The following ITPK1 variants were observed in gnomAD, a reference collection of about 807,000 sequenced individuals.
ITPK1 encodes the protein inositol-tetrakisphosphate 1-kinase.
Under a neutral mutation model 45.3 loss-of-function variants are expected in ITPK1, and 21 were observed. The observed-to-expected ratio is 0.46, with a 90% CI of 0.33 to 0.67. The LOEUF is 0.67. Among genes scored for constraint, ITPK1 ranks in the 30% least tolerant of loss-of-function variants. The pLI is 0.02. For missense variants in ITPK1, 474 were observed against 573.5 expected (o/e 0.83, Z 1.77); for synonymous variants, 258 against 253.6 (o/e 1.02, Z -0.16).
At chr14:92,945,534 G>A (rs1049338638) in intron 10 of ITPK1, among the ~76,000 whole-genome samples, 2 of 152,240 alleles carry the variant, frequency 1.3e-5, no homozygotes, top group Non-Finnish European at 2.9e-5. Context: ...AGAAAGGAAC[G>A]GGGGACCCCC....
At chr14:92,975,809 T>C (rs1377995052) in intron 5 of ITPK1, among the ~76,000 whole-genome samples, 1 of 152,180 alleles carries the variant, frequency 6.6e-6, no homozygotes, top group Non-Finnish European at 1.5e-5. Context: ...TGGACTATGA[T>C]ATGGTTTGGC....
intron 4 of ITPK1, among the ~76,000 whole-genome samples, chr14:93,005,449 G>A (rs540891526): frequency 1.8e-4 from 28 of 152,250 alleles, no homozygotes; most frequent in South Asian, 1.2e-3. Context: ...TTCAGGGTCC[G>A]GGCAAGCCAA....
intron 2 of ITPK1, among the ~76,000 whole-genome samples, chr14:93,088,329 TG>T (rs1459438134): frequency 2.2e-5 from 3 of 137,638 alleles, no homozygotes; most frequent in African/African-American, 9.2e-5. Flanking sequence ...TTTTCTTTTT[TG>T]GTTTTGTTTT....
chr14:92,997,986 C>G (rs1887145917), intron 4 of ITPK1, among the ~76,000 whole-genome samples: 1 of 152,044 alleles, frequency 6.6e-6, no homozygotes, highest in African/African-American at 2.4e-5. Flanking sequence ...CTTTCCTCCT[C>G]GATCCTCACA....
rs1892884143 is a variant in ITPK1, at chr14:93,115,054, C to T, written c.95+15G>A. The T allele has an allele frequency of 6.4e-7, 1 of 1,559,142 alleles. No individual in the cohort carries two copies. The highest frequency in any genetic ancestry group is 8.7e-7 in the Non-Finnish European group (1 of 1,155,336). ...GCCGGGGGTCCCCGGGCGCCGGCGCCGCGTCCCTCCTTACCTGCACAGCTC... is the reference window on the plus strand; with the variant it reads ...GCCGGGGGTCCCCGGGCGCCGGCGCTGCGTCCCTCCTTACCTGCACAGCTC... On this transcript the variant is annotated intron_variant, in intron 2 of 10. Coordinates refer to ENST00000267615, the MANE Select transcript of ITPK1 (RefSeq NM_014216.6).
chr14:93,107,087 A>C (rs1327668184), intron 2 of ITPK1, among the ~76,000 whole-genome samples: 1 of 152,184 alleles, frequency 6.6e-6, no homozygotes, highest in South Asian at 2.1e-4. Flanking sequence ...CGTCCCAAGT[A>C]GCTGGGATAA....
chr14:92,972,429 G>A (rs1358980836), intron 5 of ITPK1, among the ~76,000 whole-genome samples: 1 of 152,156 alleles, frequency 6.6e-6, no homozygotes, highest in Non-Finnish European at 1.5e-5. Flanking sequence ...AGGGCCATCC[G>A]CAGGCCAAGG....
rs971748513 is a variant in ITPK1 at position 93,036,237 on chromosome 14, C to T, written c.121-19436G>A. 6.6e-6 allele frequency among the ~76,000 whole-genome samples: 1 copy of T among 152,156 alleles called. No homozygotes were observed. The highest frequency in any genetic ancestry group is 6.5e-5 in the Admixed American group (1 of 15,288). On this transcript the variant is annotated intron_variant, in intron 3 of 10. Transcript: ENST00000267615. The surrounding 1 kb of genome is among the most constrained non-coding windows in gnomAD (Gnocchi z 4.1). The stretch of plus-strand genomic sequence containing the variant: ...CTGTCCCCGTCCTACTGGGAAGGGC[C>T]GCTCCTATAGCAACCAGCCCTGCCC...
At chr14:92,990,486 T>C (rs1354104683) in intron 5 of ITPK1, among the ~76,000 whole-genome samples, 1 of 152,168 alleles carries the variant, frequency 6.6e-6, no homozygotes, top group Non-Finnish European at 1.5e-5. Context: ...GCCACCATGA[T>C]TTTAGGTCTG....
At chr14:92,956,121 CTTTT>C (rs5810617) in intron 8 of ITPK1, among the ~76,000 whole-genome samples, 4 of 139,168 alleles carry the variant, frequency 2.9e-5, no homozygotes, top group African/African-American at 1.1e-4. Flanking sequence ...GCTTAGTCTG[CTTTT>C]TTTTTTTTTT....
rs184524289 is a variant in ITPK1 at position 93,078,925 on chromosome 14, C to T, written c.96-2306G>A. The stretch of plus-strand genomic sequence containing the variant: ...ACAGAAAACTCAAGTCCCAAATCAC[C>T]GAGACTGTGAACCGCACAATGGGAA... On this transcript the variant is annotated intron_variant, in intron 2 of 10. Transcript: ENST00000267615. Among the ~76,000 whole-genome samples, 39 of 152,212 alleles carry T rather than the reference C, an allele frequency of 2.6e-4. 1 individual carries two copies. In the East Asian group the frequency reaches 3.7e-3, roughly 14 times the overall value.
intron 3 of ITPK1, among the ~76,000 whole-genome samples, chr14:93,029,195 G>C (rs1306463942): frequency 6.6e-6 from 1 of 152,204 alleles, no homozygotes; most frequent in African/African-American, 2.4e-5. Flanking sequence ...GACATGATGA[G>C]ATGAGGGAAC....
intron 3 of ITPK1, chr14:93,069,974 C>T (rs888754244): frequency 2.6e-5 from 4 of 152,206 alleles, no homozygotes; most frequent in East Asian, 1.9e-4. Flanking sequence ...AAACAGCCGC[C>T]GCACCAGAGA....
At chr14:92,974,498 A>C (rs1417553588) in intron 5 of ITPK1, among the ~76,000 whole-genome samples, 1 of 152,182 alleles carries the variant, frequency 6.6e-6, no homozygotes, top group African/African-American at 2.4e-5. Flanking sequence ...CTTGTAGCTA[A>C]TGCAGCAACC....
chr14:93,070,501 C>T (rs946576182), intron 3 of ITPK1: 12 of 152,316 alleles, frequency 7.9e-5, no homozygotes, highest in African/African-American at 2.4e-4. Flanking sequence ...AATCATAGTG[C>T]CGTGCTTGGC....
At chr14:93,112,785 T>G (rs1892803649) in intron 2 of ITPK1, among the ~76,000 whole-genome samples, 1 of 152,112 alleles carries the variant, frequency 6.6e-6, no homozygotes, top group South Asian at 2.1e-4. Context: ...CATTAGGGAA[T>G]TCATAGACAA....
intron 5 of ITPK1, among the ~76,000 whole-genome samples, chr14:92,984,418 T>A (rs1886392331): frequency 6.6e-6 from 1 of 152,266 alleles, no homozygotes; most frequent in South Asian, 2.1e-4. Context: ...TTCTATGGCA[T>A]GTTTTTCATA....
At chr14:92,955,393 C>T (rs115946307) in intron 8 of ITPK1, among the ~76,000 whole-genome samples, 10 of 152,150 alleles carry the variant, frequency 6.6e-5, no homozygotes, top group Non-Finnish European at 1.2e-4. Context: ...ATGGAGGGAA[C>T]CTGCATAAAG....
chr14:92,950,569 C>T (rs1887911250), intron 9 of ITPK1, among the ~76,000 whole-genome samples: 1 of 152,216 alleles, frequency 6.6e-6, no homozygotes, highest in Non-Finnish European at 1.5e-5. Flanking sequence ...TGACCCCTTC[C>T]CGTTTTACAG....
Sources: allele counts gnomAD v4.1 joint callset (sites outside exome capture counted in the v4.1 genomes callset), GRCh38; gene constraint gnomAD v4.1.1; non-coding constraint Gnocchi (gnomAD v3.1); transcripts MANE v1.5; gene names NCBI Gene and HGNC (gene_info 2026-07-23, HGNC 2026-07-21).